Variants in TENM2 observed in about 807,000 individuals in gnomAD.
TENM2 encodes teneurin-2.
A neutral mutation model predicts 245.2 loss-of-function variants in TENM2; 52 were observed. The observed-to-expected ratio is 0.21, with a 90% CI of 0.17 to 0.27. The LOEUF is 0.27. Ranked by LOEUF, TENM2 falls within the 10% of genes least tolerant of loss-of-function variation. The pLI is 1.00. For missense variants in TENM2, 3,046 were observed against 3,666.8 expected (o/e 0.83, Z 4.37); for synonymous variants, 1,363 against 1,438.9 (o/e 0.95, Z 1.19).
chr5:167,641,705 G>A (rs1352013779), intron 2 of TENM2, among the ~76,000 whole-genome samples: 1 of 152,112 alleles, frequency 6.6e-6, no homozygotes, highest in African/African-American at 2.4e-5. Context: ...CACTGAACCT[G>A]GGCTAGTTAG....
chr5:167,758,768 G>C (rs1030328807), intron 2 of TENM2, among the ~76,000 whole-genome samples: 6 of 152,162 alleles, frequency 3.9e-5, no homozygotes, highest in African/African-American at 1.2e-4. Context: ...CATAACTTCT[G>C]ATTTCCAGAA....
At chr5:168,009,044 A>T in intron 5 of TENM2, among the ~76,000 whole-genome samples, 1 of 152,230 alleles carries the variant, frequency 6.6e-6, no homozygotes, top group East Asian at 1.9e-4. Flanking sequence ...AAACTCTAAA[A>T]GGCTAACAAA....
At chr5:167,366,104 G>GA in intron 1 of TENM2, among the ~76,000 whole-genome samples, 1 of 151,718 alleles carries the variant, frequency 6.6e-6, no homozygotes, top group Admixed American at 6.6e-5. Flanking sequence ...TCTTTTGAAA[G>GA]AAAAAAAATT....
intron 23 of TENM2, among the ~76,000 whole-genome samples, chr5:168,220,621 A>G (rs1202213857): frequency 6.6e-6 from 1 of 152,180 alleles, no homozygotes; most frequent in African/African-American, 2.4e-5. Flanking sequence ...ACCTGAAAAG[A>G]TGGTGAGTTC....
the TENM2 span, chr5:167,116,762 A>G: frequency 6.6e-6 from 1 of 152,180 alleles, no homozygotes; most frequent in Non-Finnish European, 1.5e-5. Context: ...AGATCTAATA[A>G]TTCAAAAATT....
intron 2 of TENM2, among the ~76,000 whole-genome samples, chr5:167,462,067 T>C (rs1032593106): frequency 2.6e-5 from 4 of 152,050 alleles, no homozygotes; most frequent in Admixed American, 2.6e-4. Context: ...GATTGATCAG[T>C]TTTACATGCA....
the TENM2 span, among the ~76,000 whole-genome samples, chr5:167,154,962 G>A: frequency 6.6e-6 from 1 of 152,154 alleles, no homozygotes; most frequent in Admixed American, 6.5e-5. Flanking sequence ...ATATTGCCTT[G>A]TAATCTTTCT....
At chr5:167,413,829 C>T (rs186611399) in intron 2 of TENM2, among the ~76,000 whole-genome samples, 3 of 152,184 alleles carry the variant, frequency 2.0e-5, no homozygotes, top group South Asian at 2.1e-4. Context: ...ATCTCTGTAG[C>T]GGATGACTTA....
At chr5:167,961,924 G>T (rs1434639138) in intron 4 of TENM2, among the ~76,000 whole-genome samples, 3 of 152,194 alleles carry the variant, frequency 2.0e-5, no homozygotes, top group African/African-American at 7.2e-5. Context: ...CAGAGTGTCT[G>T]CTCTTGGCAA....
intron 2 of TENM2, among the ~76,000 whole-genome samples, chr5:167,515,680 T>TACACATATATACG (rs1283561249): frequency 4.1e-4 from 23 of 55,806 alleles, no homozygotes; most frequent in South Asian, 3.4e-3. Context: ...TGTATATATA[T>TACACATATATACG]TTTGAGAGGG....
chr5:168,014,424 C>A (rs1785500638), intron 5 of TENM2, among the ~76,000 whole-genome samples: 1 of 152,114 alleles, frequency 6.6e-6, no homozygotes, highest in Admixed American at 6.5e-5. Flanking sequence ...GCCTCTGAGT[C>A]CTTGCATTTA....
At chr5:167,206,913 A>G in the TENM2 span, among the ~76,000 whole-genome samples, 1 of 152,192 alleles carries the variant, frequency 6.6e-6, no homozygotes, top group Non-Finnish European at 1.5e-5. Context: ...ATGAAGAAGT[A>G]TTTCCAAGGA....
chr5:167,228,257 T>G, the TENM2 span, among the ~76,000 whole-genome samples: 1 of 151,952 alleles, frequency 6.6e-6, no homozygotes, highest in South Asian at 2.1e-4. Context: ...CTCGAACTCC[T>G]GACCTCAAGT....
chr5:167,726,539 G>A (rs75062704), intron 2 of TENM2, among the ~76,000 whole-genome samples: 2,997 of 152,058 alleles, frequency 0.02, 85 homozygotes, highest in African/African-American at 0.066. Context: ...GCTCACTGTA[G>A]ACTTGGCCTC....
At chr5:167,544,019 C>T (rs1038339679) in intron 2 of TENM2, among the ~76,000 whole-genome samples, 1 of 152,122 alleles carries the variant, frequency 6.6e-6, no homozygotes, top group South Asian at 2.1e-4. Context: ...GTACTGGGGT[C>T]CAGGACTTCA....
intron 2 of TENM2, among the ~76,000 whole-genome samples, chr5:167,610,950 T>G (rs947791423): frequency 1.3e-5 from 2 of 152,184 alleles, no homozygotes; most frequent in Admixed American, 1.3e-4. Context: ...TTACATACTT[T>G]CTCTGTGTCC....
chr5:167,973,013 CATT>C (rs1444053979), intron 4 of TENM2, among the ~76,000 whole-genome samples: 2 of 152,164 alleles, frequency 1.3e-5, no homozygotes, highest in Non-Finnish European at 2.9e-5. Context: ...TTTCCTTTCT[CATT>C]ATTATTTGGC....
chr5:168,180,141 A>G (rs1759738880), intron 13 of TENM2, among the ~76,000 whole-genome samples: 1 of 152,192 alleles, frequency 6.6e-6, no homozygotes, highest in South Asian at 2.1e-4. Context: ...ACTATTGAGT[A>G]GATGGAGGTA....
the TENM2 span, among the ~76,000 whole-genome samples, chr5:166,999,037 A>G: frequency 6.7e-6 from 1 of 150,104 alleles, no homozygotes; most frequent in African/African-American, 2.4e-5. Context: ...AATATATTTT[A>G]TTATTATATT....
Sources: allele counts gnomAD v4.1 joint callset (sites outside exome capture counted in the v4.1 genomes callset), GRCh38; gene constraint gnomAD v4.1.1; transcripts MANE v1.5; gene names NCBI Gene and HGNC (gene_info 2026-07-23, HGNC 2026-07-21).